GNB4: variants seen among roughly 807,000 people sequenced by gnomAD.
GNB4 encodes the protein guanine nucleotide-binding protein subunit beta-4.
In GNB4, 28 loss-of-function variants were observed where a neutral mutation model predicts 45.2. The observed-to-expected ratio is 0.62, with a 90% CI of 0.46 to 0.85. The LOEUF is 0.85. Ranked by LOEUF, GNB4 falls within the 40% of genes least tolerant of loss-of-function variation. GNB4 has a pLI of 0.00. For synonymous variants in GNB4, 132 were observed against 143.7 expected (o/e 0.92, Z 0.58); for missense variants, 321 against 425.4 (o/e 0.75, Z 2.16).
intron 9 of GNB4, 29 bp from the exon 10 acceptor site, chr3:179,401,348 CA>C (rs1274087963): frequency 6.6e-7 from 1 of 1,503,926 alleles, no homozygotes; most frequent in East Asian, 2.3e-5. Context: ...AAAAAATTGG[CA>C]ATTGTAGGGT....
chr3:179,436,848 A>G (rs951991944), intron 1 of GNB4, among the ~76,000 whole-genome samples: 12 of 152,148 alleles, frequency 7.9e-5, no homozygotes, highest in African/African-American at 2.9e-4. Flanking sequence ...ATTTTTCAGT[A>G]CCCTTAAAGT....
chr3:179,500,168 C>T, the GNB4 span, among the ~76,000 whole-genome samples: 2 of 152,142 alleles, frequency 1.3e-5, no homozygotes, highest in South Asian at 4.1e-4. Flanking sequence ...ATGCCAATGT[C>T]CTGAATGGTA....
chr3:179,491,333 A>G, the GNB4 span, among the ~76,000 whole-genome samples: 4 of 152,350 alleles, frequency 2.6e-5, no homozygotes, highest in Non-Finnish European at 4.4e-5. Flanking sequence ...CAGTCAAATT[A>G]TGTGCCTACA....
At chr3:179,445,982 C>T (rs1715711142) in intron 1 of GNB4, among the ~76,000 whole-genome samples, 1 of 152,204 alleles carries the variant, frequency 6.6e-6, no homozygotes, top group Admixed American at 6.5e-5. Context: ...TATATTATTT[C>T]AGCAAGTCAG....
rs1281666494 is a variant in GNB4, at chr3:179,405,321, A to AG, written c.784_785insC (p.Leu262SerfsTer6). On this transcript the variant is annotated frameshift_variant, in exon 9 of 10. Coordinates refer to ENST00000232564, the MANE Select transcript of GNB4 (RefSeq NM_021629.4). LOFTEE classifies it high-confidence loss of function. The stretch of plus-strand genomic sequence containing the variant: ...GATGATATTGTCATGAGAATACAAT[A>AG]ATAACTCTTGATCTGCACGAAGGTC... The AG allele has an allele frequency of 1.9e-6, 3 of 1,614,080 alleles. No individual in the cohort carries two copies. Among genetic ancestry groups the AG allele is most frequent in the African/African-American group, 2.7e-5 (2 of 74,950 alleles).
chr3:179,425,313 A>AG (rs1444844650), intron 2 of GNB4, among the ~76,000 whole-genome samples: 1 of 152,102 alleles, frequency 6.6e-6, no homozygotes, highest in Non-Finnish European at 1.5e-5. Context: ...CTGCTGCTTC[A>AG]CTGCATTTGG....
intron 4 of GNB4, among the ~76,000 whole-genome samples, chr3:179,417,957 C>T (rs1404833242): frequency 2.6e-5 from 4 of 152,114 alleles, no homozygotes; most frequent in East Asian, 1.9e-4. Context: ...TTGAGGAGAA[C>T]ATTAAGTAAT....
intron 1 of GNB4, among the ~76,000 whole-genome samples, chr3:179,444,996 A>G (rs1056617591): frequency 6.6e-6 from 1 of 152,074 alleles, no homozygotes; most frequent in Non-Finnish European, 1.5e-5. Flanking sequence ...AAATAAGGAG[A>G]AAAAAAATGA....
intron 1 of GNB4, among the ~76,000 whole-genome samples, chr3:179,434,708 A>C (rs900531104): frequency 6.6e-6 from 1 of 151,358 alleles, no homozygotes; most frequent in Admixed American, 6.6e-5. Flanking sequence ...GCAACAGAGC[A>C]AAACTCTGTC....
intron 9 of GNB4, among the ~76,000 whole-genome samples, chr3:179,404,634 G>T (rs916739495): frequency 6.6e-6 from 1 of 152,134 alleles, no homozygotes; most frequent in African/African-American, 2.4e-5. Context: ...CTGTGTTTTG[G>T]TAACAAGCTA....
At chr3:179,512,753 A>G in the GNB4 span, among the ~76,000 whole-genome samples, 1 of 152,226 alleles carries the variant, frequency 6.6e-6, no homozygotes, top group African/African-American at 2.4e-5. Flanking sequence ...TGTAATGAGC[A>G]TAAATATCTA....
chr3:179,413,803 ATTTT>A lies in GNB4; in HGVS notation c.431-26_431-23del. ...TACCCTACAGCATAAAGAGTAGCAA[ATTTT>A]AGGTTATCACTGATTGAATAACTCA... On this transcript the variant is annotated intron_variant, in intron 6 of 9. Transcript: ENST00000232564. The A allele has an allele frequency of 2.5e-6, 4 of 1,587,350 alleles. No homozygotes were observed. In the South Asian group the frequency reaches 4.4e-5, roughly 18 times the overall value.
chr3:179,489,012 A>T, the GNB4 span, among the ~76,000 whole-genome samples: 143 of 51,922 alleles, frequency 2.8e-3, 7 homozygotes, highest in Non-Finnish European at 4.1e-3. Flanking sequence ...AAAAAAAAAA[A>T]AAAAAAAATA....
chr3:179,469,412 G>A, the GNB4 span, among the ~76,000 whole-genome samples: 26 of 152,260 alleles, frequency 1.7e-4, no homozygotes, highest in Admixed American at 1.7e-3. Context: ...TAAAGCACAA[G>A]TAGAACAAAT....
chr3:179,480,285 G>A, the GNB4 span, among the ~76,000 whole-genome samples: 1 of 152,198 alleles, frequency 6.6e-6, no homozygotes, highest in Non-Finnish European at 1.5e-5. Flanking sequence ...GACAAAGACA[G>A]CAACCCTTTA....
chr3:179,418,837 C>T (rs1714891623), intron 4 of GNB4, among the ~76,000 whole-genome samples: 1 of 152,214 alleles, frequency 6.6e-6, no homozygotes, highest in Non-Finnish European at 1.5e-5. Context: ...TAGTGAATGA[C>T]AGTGATGAGC....
At chr3:179,495,227 A>C in the GNB4 span, among the ~76,000 whole-genome samples, 1 of 152,066 alleles carries the variant, frequency 6.6e-6, no homozygotes, top group Non-Finnish European at 1.5e-5. Context: ...GTCTCAAAGG[A>C]AAAAAAGAGA....
the GNB4 span, among the ~76,000 whole-genome samples, chr3:179,481,472 T>G: frequency 1.3e-5 from 2 of 151,846 alleles, no homozygotes; most frequent in African/African-American, 4.8e-5. Context: ...ACCATGCCCA[T>G]AGCTAAGCTT....
chr3:179,463,769 T>A, the GNB4 span, among the ~76,000 whole-genome samples: 6 of 152,194 alleles, frequency 3.9e-5, no homozygotes, highest in Admixed American at 1.3e-4. Context: ...AGGCAGCCCT[T>A]CCTGGGCAAA....
Sources: allele counts gnomAD v4.1 joint callset (sites outside exome capture counted in the v4.1 genomes callset), GRCh38; gene constraint gnomAD v4.1.1; transcripts MANE v1.5; gene names NCBI Gene and HGNC (gene_info 2026-07-23, HGNC 2026-07-21).